UTP23: variants seen among roughly 807,000 people sequenced by gnomAD.
UTP23 encodes UTP23 small subunit processome component, also known as rRNA-processing protein UTP23 homolog.
In UTP23, 10 loss-of-function variants were observed where a neutral mutation model predicts 19.8. The ratio of observed to expected loss-of-function variants is 0.50; its 90% CI spans 0.31 to 0.86. The LOEUF (loss-of-function observed/expected upper bound fraction) is 0.86, where lower values mean the gene tolerates loss of function less well. UTP23 is among the 40% of genes least tolerant of loss of function. The pLI is 0.05. For missense variants in UTP23, 282 were observed against 293.1 expected (o/e 0.96, Z 0.28); for synonymous variants, 108 against 105.4 (o/e 1.02, Z -0.15).
At position 116,773,952 on chromosome 8, in the gene UTP23, A is replaced by C; in HGVS notation, c.*2110A>C. The C allele has an allele frequency of 1.0e-6, 1 of 985,352 alleles. No individual in the cohort carries two copies. The highest frequency in any genetic ancestry group is 1.2e-6 in the Non-Finnish European group (1 of 829,872). The allele number at this position is 985,352 out of a possible 1,614,324, so 61.0% of individuals were successfully genotyped here. A position where few individuals can be genotyped will look rare whatever the true frequency, so the allele number is the denominator to read the frequency against. On this transcript the variant is annotated 3_prime_UTR_variant, in exon 3 of 3. Coordinates refer to ENST00000309822, the MANE Select transcript of UTP23 (RefSeq NM_032334.3). The stretch of plus-strand genomic sequence containing the variant: ...TTTTTTGTGTGTGAATACTATCCCT[A>C]TACCACTACCCCTAAAACCTCAGAA...
chr8:116,766,982 C>G, intron 1 of UTP23, 191 bp downstream of exon 1: 9 of 535,844 alleles, frequency 1.7e-5, no homozygotes, highest in Non-Finnish European at 2.9e-5. Flanking sequence ...GGACAGTGCC[C>G]TGTGAATATC....
At chr8:116,766,921 T>G in intron 1 of UTP23, 130 bp downstream of exon 1, 1 of 910,768 alleles carries the variant, frequency 1.1e-6, no homozygotes, top group South Asian at 1.8e-5. Context: ...AGTTGACAGT[T>G]AAGTGGAGAG....
Position 116,771,489 on chromosome 8 carries a change from C to G in UTP23, c.397C>G (p.Pro133Ala), listed in dbSNP as rs1563668307. ...TTTGTCTGTGAAAGTAAAAAAGAAG[C>G]CTGGAGTTCCTCTCATGTTTATTAT... ...QNLSVKVKKK[P>A]GVPLMFIIQN... The change falls in exon 3 of 3, where the codon CCT (proline) becomes GCT (alanine). Residue 133 changes from proline to alanine, a missense_variant. By Grantham distance (27) the Pro-to-Ala change is conservative (BLOSUM62 -1). Transcript: ENST00000309822. The G allele has an allele frequency of 1.3e-6, 2 of 1,506,324 alleles. No homozygotes were observed. Among genetic ancestry groups the G allele is most frequent in the Non-Finnish European group, 1.8e-6 (2 of 1,130,888 alleles). 93.3% of individuals were successfully genotyped at this position (1,506,324 alleles called of 1,614,324 possible). A position where few individuals can be genotyped will look rare whatever the true frequency, so the allele number is the denominator to read the frequency against.
intron 1 of UTP23, 117 bp downstream of exon 1, chr8:116,766,908 T>A: frequency 9.7e-7 from 1 of 1,029,700 alleles, no homozygotes; most frequent in Non-Finnish European, 1.4e-6. Context: ...CCCGCCCACG[T>A]GGAGTTGACA....
In UTP23 at chr8:116,774,350, A is replaced by G; in HGVS notation, c.*2508A>G. The G allele has an allele frequency of 1.0e-6, 1 of 985,328 alleles. No homozygotes were observed. The highest frequency in any genetic ancestry group is 1.2e-6 in the Non-Finnish European group (1 of 829,892). 61.0% of individuals were successfully genotyped at this position (985,328 alleles called of 1,614,324 possible). A position where few individuals can be genotyped will look rare whatever the true frequency, so the allele number is the denominator to read the frequency against. On this transcript the variant is annotated 3_prime_UTR_variant, in exon 3 of 3. Coordinates refer to ENST00000309822, the MANE Select transcript of UTP23 (RefSeq NM_032334.3). ...GCTTTGAAACTAGAGTTTCAAAGGTAAAAGGATCTCATGTTTCTGAATCTG... is the reference window on the plus strand; with the variant it reads ...GCTTTGAAACTAGAGTTTCAAAGGTGAAAGGATCTCATGTTTCTGAATCTG...
intron 1 of UTP23, among the ~76,000 whole-genome samples, chr8:116,769,896 A>C (rs1434719408): frequency 6.6e-6 from 1 of 152,242 alleles, no homozygotes; most frequent in African/African-American, 2.4e-5. Context: ...GCTCTAAAAT[A>C]AGGATAATTT....
intron 2 of UTP23, chr8:116,770,582 G>T: frequency 2.4e-6 from 1 of 413,322 alleles, no homozygotes; most frequent in Non-Finnish European, 4.2e-6. Flanking sequence ...GTTGGGTTTT[G>T]TTTTTTTTAA....
chr8:116,769,392 G>A (rs1815623478), intron 1 of UTP23, among the ~76,000 whole-genome samples: 1 of 152,160 alleles, frequency 6.6e-6, no homozygotes, highest in African/African-American at 2.4e-5. Context: ...GGGCAGGAAG[G>A]TCAAATGTGA....
chr8:116,773,572 GA>G lies in UTP23; in HGVS notation c.*1731del. On this transcript the variant is annotated 3_prime_UTR_variant, in exon 3 of 3. Transcript: ENST00000309822. The stretch of plus-strand genomic sequence containing the variant: ...CACACCTGTAATCCCAGCACTTTGG[GA>G]GGCCGAGGCTGGCAGATCACAAAAT... 1.2e-6 allele frequency: 1 copy of G among 837,196 alleles called. No individual in the cohort carries two copies. Among genetic ancestry groups the G allele is most frequent in the Non-Finnish European group, 1.4e-6 (1 of 694,854 alleles). 51.9% of individuals were successfully genotyped at this position (837,196 alleles called of 1,614,324 possible).
In UTP23 at chr8:116,771,764, G is replaced by T. The variant is rs1217853730; in HGVS notation, c.672G>T (p.Lys224Asn). Residue 224 changes from lysine to asparagine, a missense_variant, in exon 3 of 3, where the codon AAG (lysine) becomes AAT (asparagine). Coordinates refer to ENST00000309822, the MANE Select transcript of UTP23 (RefSeq NM_032334.3). ...APDTQSSASE[K>N]KRKRKRIRNR... is the part of the protein sequence containing the mutation. ...ACACACAATCATCTGCTTCTGAAAA[G>T]AAAAGAAAAAGAAAAAGAATTCGGA... The T allele has an allele frequency of 1.2e-6, 2 of 1,607,400 alleles. No homozygotes were observed. Among genetic ancestry groups the T allele is most frequent in the East Asian group, 2.2e-5 (1 of 44,830 alleles).
Position 116,773,332 on chromosome 8 carries a change from T to C in UTP23, c.*1490T>C, listed in dbSNP as rs1038222308. The C allele has an allele frequency of 1.0e-5, 10 of 982,200 alleles. 1 individual carries two copies. Among genetic ancestry groups the C allele is most frequent in the African/African-American group, 5.2e-5 (3 of 57,168 alleles). 60.8% of individuals were successfully genotyped at this position (982,200 alleles called of 1,614,324 possible). A position where few individuals can be genotyped will look rare whatever the true frequency, so the allele number is the denominator to read the frequency against. On this transcript the variant is annotated 3_prime_UTR_variant, in exon 3 of 3. Transcript: ENST00000309822. Reference sequence around the variant, plus strand: ...TGTAGACAAAGTGATAAATGAAATATACACTGATGATACTCATTTCAATAT... The same window carrying C: ...TGTAGACAAAGTGATAAATGAAATACACACTGATGATACTCATTTCAATAT...
At chr8:116,768,367 G>T (rs1815611875) in intron 1 of UTP23, among the ~76,000 whole-genome samples, 1 of 152,156 alleles carries the variant, frequency 6.6e-6, no homozygotes, top group South Asian at 2.1e-4. Flanking sequence ...AAAAGGTTGA[G>T]AAGTGCCACA....
intron 1 of UTP23, among the ~76,000 whole-genome samples, chr8:116,767,864 C>T (rs556336678): frequency 6.6e-6 from 1 of 152,192 alleles, no homozygotes; most frequent in Non-Finnish European, 1.5e-5. Context: ...CACGAATAAT[C>T]ACTGTTAACA....
At chr8:116,766,971 T>C in intron 1 of UTP23, 180 bp downstream of exon 1, 1 of 586,868 alleles carries the variant, frequency 1.7e-6, no homozygotes, top group Non-Finnish European at 2.9e-6. Context: ...AGAGGCAGAT[T>C]GGACAGTGCC....
rs773905654 is a variant in UTP23, at chr8:116,771,734, A to T, written c.642A>T (p.Ala214=). The T allele has an allele frequency of 1.2e-6, 2 of 1,612,628 alleles. No individual in the cohort carries two copies. The highest frequency in any genetic ancestry group is 1.1e-5 in the South Asian group (1 of 90,662). Residue 214 remains alanine, a synonymous_variant, in exon 3 of 3, where the codon GCA becomes GCT. Coordinates refer to ENST00000309822, the MANE Select transcript of UTP23 (RefSeq NM_032334.3). The part of the protein sequence containing the change: ...PLSCLKKKKK[A]PDTQSSASEK... ...GTTGTTTGAAGAAAAAGAAAAAGGC[A>T]CCGGACACACAATCATCTGCTTCTG...
rs773221209 is a variant in UTP23 at position 116,766,760 on chromosome 8, C to A, written c.157C>A (p.Leu53Ile). 3 of 1,587,306 alleles carry A rather than the reference C, an allele frequency of 1.9e-6. No homozygotes were observed. Among genetic ancestry groups the A allele is most frequent in the Non-Finnish European group, 2.6e-6 (3 of 1,166,770 alleles). ...IQLREQLPRY[L>I]MGETQLCTTR... ...GCTGCGGGAGCAGCTGCCCCGCTAC[C>A]TCATGGGGGAGACGCAGCTGTGCAC... The change falls in exon 1 of 3, where the codon CTC becomes ATC. Residue 53 changes from leucine (L) to isoleucine (I), a missense_variant. By Grantham distance (5) the Leu-to-Ile change is conservative. Coordinates refer to ENST00000309822, the MANE Select transcript of UTP23 (RefSeq NM_032334.3).
chr8:116,773,328 AAT>A lies in UTP23; in HGVS notation c.*1490_*1491del. 1 of 983,424 alleles carries A rather than the reference AAT, an allele frequency of 1.0e-6. No homozygotes were observed. The highest frequency in any genetic ancestry group is 1.2e-6 in the Non-Finnish European group (1 of 828,076). The allele number at this position is 983,424 out of a possible 1,614,324, so 60.9% of individuals were successfully genotyped here. ...AAAGTGTAGACAAAGTGATAAATGA[AAT>A]ATACACTGATGATACTCATTTCAAT... On this transcript the variant is annotated 3_prime_UTR_variant, in exon 3 of 3. Coordinates refer to ENST00000309822, the MANE Select transcript of UTP23 (RefSeq NM_032334.3).
intron 1 of UTP23, among the ~76,000 whole-genome samples, chr8:116,769,333 T>C (rs1280085865): frequency 2.6e-5 from 4 of 152,142 alleles, no homozygotes; most frequent in Non-Finnish European, 5.9e-5. Flanking sequence ...GCTACGTTAC[T>C]GAGATAGATA....
Position 116,772,241 on chromosome 8 carries a change from A to G in UTP23, c.*399A>G. On this transcript the variant is annotated 3_prime_UTR_variant, in exon 3 of 3. Transcript: ENST00000309822. Reference sequence around the variant, plus strand: ...GTGATGGAATTCACTTTACTTACTAAATGGTTTCGGGAGGTTGTTTCTCCA... The same window carrying G: ...GTGATGGAATTCACTTTACTTACTAGATGGTTTCGGGAGGTTGTTTCTCCA... 1.0e-6 allele frequency: 1 copy of G among 986,700 alleles called. No individual in the cohort carries two copies. Among genetic ancestry groups the G allele is most frequent in the Admixed American group, 6.1e-5 (1 of 16,298 alleles). The allele number at this position is 986,700 out of a possible 1,614,324, so 61.1% of individuals were successfully genotyped here.
Sources: gnomAD v4.1 joint callset for allele counts (sites outside exome capture counted in the v4.1 genomes callset) on GRCh38, gnomAD v4.1.1 for gene constraint, MANE v1.5 for transcripts, NCBI Gene and HGNC (gene_info 2026-07-23, HGNC 2026-07-21) for gene names.